Variants in DGKB observed in about 807,000 individuals in gnomAD.
DGKB encodes the protein 90 kDa diacylglycerol kinase.
Under a neutral mutation model 114.3 loss-of-function variants are expected in DGKB, and 67 were observed. The observed-to-expected ratio is 0.59, with a 90% confidence interval of 0.48 to 0.72. DGKB has a LOEUF of 0.72. Ranked by LOEUF, DGKB falls within the 30% of genes least tolerant of loss-of-function variation. The probability of loss-of-function intolerance (pLI) is 0.00; values close to 1 mark genes in which losing one functional copy is unlikely to be tolerated. For synonymous variants in DGKB, 398 were observed against 323.1 expected (o/e 1.23, Z -2.49); for missense variants, 907 against 975.2 (o/e 0.93, Z 0.93).
chr7:14,634,515 CACTT>C (rs1043242206), intron 13 of DGKB, among the ~76,000 whole-genome samples: 2 of 149,302 alleles, frequency 1.3e-5, no homozygotes, highest in Non-Finnish European at 3.0e-5. Flanking sequence ...CACACACACA[CACTT>C]GTTTTGCCTG....
chr7:14,243,316 T>C (rs1184950918), intron 23 of DGKB, among the ~76,000 whole-genome samples: 1 of 152,122 alleles, frequency 6.6e-6, no homozygotes, highest in African/African-American at 2.4e-5. Flanking sequence ...AGCCTGTTGC[T>C]AGTGTGAATG....
At chr7:14,840,605 G>A (rs766919728) in intron 2 of DGKB, among the ~76,000 whole-genome samples, 6 of 151,886 alleles carry the variant, frequency 4.0e-5, no homozygotes, top group East Asian at 1.9e-4. Flanking sequence ...AGAGTTGTGC[G>A]GTCCTAACTT....
chr7:14,257,088 A>G (rs553249577), intron 23 of DGKB, among the ~76,000 whole-genome samples: 102 of 152,256 alleles, frequency 6.7e-4, no homozygotes, highest in African/African-American at 2.4e-3. Context: ...AATTGAACAC[A>G]GGAATTCAAG....
chr7:14,951,801 T>C (rs748204238), intron 1 of DGKB, among the ~76,000 whole-genome samples: 9 of 152,092 alleles, frequency 5.9e-5, no homozygotes, highest in Admixed American at 2.6e-4. Context: ...TCATTTTTCC[T>C]ATAAACATTA....
intron 13 of DGKB, among the ~76,000 whole-genome samples, chr7:14,666,754 T>C (rs1016572734): frequency 6.6e-6 from 1 of 151,968 alleles, no homozygotes; most frequent in African/African-American, 2.4e-5. Flanking sequence ...ACTATAGCTA[T>C]AATTGTTACC....
intron 3 of DGKB, among the ~76,000 whole-genome samples, chr7:14,755,972 G>A (rs1443171593): frequency 1.3e-5 from 2 of 151,892 alleles, no homozygotes; most frequent in African/African-American, 4.8e-5. Context: ...TGTTGAAAAG[G>A]GTGATATGTG....
Position 14,582,595 on chromosome 7 carries a change from A to T in DGKB, c.1519+457T>A, listed in dbSNP as rs1465628836. ...AGTTGTGAGGAATAAACAAGATAAC[A>T]TGATGAATAAAAATTAGCTATGATG... On this transcript the variant is annotated intron_variant, in intron 18 of 25. Transcript: ENST00000402815. 3.3e-5 allele frequency among the ~76,000 whole-genome samples: 5 copies of T among 152,214 alleles called. No homozygotes were observed. The East Asian group carries it at 9.6e-4, about 29-fold the overall frequency.
intron 23 of DGKB, among the ~76,000 whole-genome samples, chr7:14,265,080 C>A (rs4721317): frequency 0.18 from 26,735 of 151,648 alleles, 3,147 homozygotes; most frequent in Non-Finnish European, 0.26. Flanking sequence ...GGTTTCTGTC[C>A]CCGCCCCACC....
At chr7:14,927,684 T>C (rs2128249539) in intron 1 of DGKB, among the ~76,000 whole-genome samples, 1 of 152,156 alleles carries the variant, frequency 6.6e-6, no homozygotes, top group South Asian at 2.1e-4. Context: ...AATTACCATT[T>C]CCTCATTTTC....
intron 2 of DGKB, among the ~76,000 whole-genome samples, chr7:14,796,470 G>A (rs1322954296): frequency 1.3e-5 from 2 of 152,044 alleles, no homozygotes; most frequent in African/African-American, 4.8e-5. Context: ...TTAAACAAGT[G>A]GGATAGAGAT....
At chr7:14,266,097 CG>C (rs1274870875) in intron 23 of DGKB, among the ~76,000 whole-genome samples, 1 of 152,036 alleles carries the variant, frequency 6.6e-6, no homozygotes, top group Non-Finnish European at 1.5e-5. Context: ...TCCCTGTGCT[CG>C]TTCAATTGTT....
chr7:14,823,771 TA>T (rs1845277631), intron 2 of DGKB, among the ~76,000 whole-genome samples: 1 of 152,190 alleles, frequency 6.6e-6, no homozygotes, highest in African/African-American at 2.4e-5. Flanking sequence ...GCAGGTTACC[TA>T]AAAGGAATTC....
intron 17 of DGKB, among the ~76,000 whole-genome samples, chr7:14,598,833 T>C (rs912379750): frequency 2.6e-5 from 4 of 152,186 alleles, no homozygotes; most frequent in African/African-American, 4.8e-5. Flanking sequence ...ATGCTCTTTT[T>C]CTCACATACA....
At chr7:14,307,450 C>A (rs1403987119) in intron 23 of DGKB, among the ~76,000 whole-genome samples, 1 of 152,002 alleles carries the variant, frequency 6.6e-6, no homozygotes, top group Non-Finnish European at 1.5e-5. Context: ...CGTTAAATAA[C>A]AGTAAAGGTT....
intron 20 of DGKB, among the ~76,000 whole-genome samples, chr7:14,513,435 T>C (rs1788281214): frequency 6.6e-6 from 1 of 152,046 alleles, no homozygotes. Flanking sequence ...AATGACTTAG[T>C]TATGTGAGCT....
chr7:14,557,835 CATTT>C (rs1421460121), intron 20 of DGKB, among the ~76,000 whole-genome samples: 2 of 151,526 alleles, frequency 1.3e-5, no homozygotes, highest in Non-Finnish European at 2.9e-5. Context: ...AGGAAATTAT[CATTT>C]AGACTCCTTA....
At chr7:14,650,650 G>T (rs1236000773) in intron 13 of DGKB, among the ~76,000 whole-genome samples, 3 of 88,826 alleles carry the variant, frequency 3.4e-5, no homozygotes, top group Admixed American at 1.4e-4. Flanking sequence ...TAAAATCAGA[G>T]CAGAACTGAA....
At chr7:14,835,835 G>A (rs1847082046) in intron 2 of DGKB, among the ~76,000 whole-genome samples, 1 of 152,116 alleles carries the variant, frequency 6.6e-6, no homozygotes, top group Admixed American at 6.5e-5. Flanking sequence ...TTCCTGTTTT[G>A]ACCTTTGTTA....
intron 8 of DGKB, among the ~76,000 whole-genome samples, chr7:14,695,953 C>G (rs548057066): frequency 8.5e-5 from 13 of 152,128 alleles, no homozygotes; most frequent in African/African-American, 1.4e-4. Context: ...ACCATTTCAG[C>G]TCCCTGGAAT....
Sources: gnomAD v4.1 joint callset for allele counts (sites outside exome capture counted in the v4.1 genomes callset) on GRCh38, gnomAD v4.1.1 for gene constraint, MANE v1.5 for transcripts, NCBI Gene and HGNC (gene_info 2026-07-23, HGNC 2026-07-21) for gene names.